RP1: variants seen among roughly 807,000 people sequenced by gnomAD.
The protein encoded by RP1 is RP1 axonemal microtubule associated.
Under a neutral mutation model 14.8 loss-of-function variants are expected in RP1, and 16 were observed. The ratio of observed to expected loss-of-function variants is 1.08; its 90% CI spans 0.73 to 1.65. RP1 has a LOEUF of 1.65. Ranked by LOEUF, RP1 falls within the 40% of genes most tolerant of loss-of-function variation. RP1 has a pLI of 0.00. For synonymous variants in RP1, 876 were observed against 883.6 expected (o/e 0.99, Z 0.15); for missense variants, 2,631 against 2,535.0 (o/e 1.04, Z -0.81).
intron 22 of RP1, among the ~76,000 whole-genome samples, chr8:54,759,419 A>T (rs1167807857): frequency 2.6e-5 from 4 of 152,210 alleles, no homozygotes; most frequent in African/African-American, 9.6e-5. Context: ...GTGTTACAAC[A>T]GTTTCATAAG....
chr8:54,730,159 C>A (rs920147242), intron 17 of RP1, among the ~76,000 whole-genome samples: 1 of 151,956 alleles, frequency 6.6e-6, no homozygotes, highest in African/African-American at 2.4e-5. Flanking sequence ...GAAAGTACCT[C>A]CCTATGTTGA....
chr8:54,840,252 CATT>C (rs945755233), intron 25 of RP1, among the ~76,000 whole-genome samples: 146 of 151,530 alleles, frequency 9.6e-4, no homozygotes, highest in African/African-American at 3.3e-3. Flanking sequence ...TTAATGGCTG[CATT>C]ATTATTATTA....
intron 12 of RP1, among the ~76,000 whole-genome samples, chr8:54,690,881 C>CA (rs1807693863): frequency 6.6e-6 from 1 of 152,004 alleles, no homozygotes; most frequent in Non-Finnish European, 1.5e-5. Context: ...AAGTTTTAAA[C>CA]ATTTTCCCCC....
exon 15 of RP1, chr8:54,706,574 C>T: frequency 6.5e-7 from 1 of 1,536,030 alleles, no homozygotes; most frequent in Non-Finnish European, 8.7e-7. Context: ...TGCATAAAAT[C>T]AGCTCTGGGA....
intron 1 of RP1, among the ~76,000 whole-genome samples, chr8:54,570,222 G>A (rs1169402317): frequency 1.3e-5 from 2 of 152,164 alleles, no homozygotes; most frequent in African/African-American, 4.8e-5. Flanking sequence ...CATGAGGGAG[G>A]GAGAAGGAAA....
chr8:54,785,094 A>C (rs1023351259), intron 24 of RP1, among the ~76,000 whole-genome samples: 6 of 152,070 alleles, frequency 3.9e-5, no homozygotes, highest in Admixed American at 1.3e-4. Flanking sequence ...TGTACTAAAC[A>C]ATCACCACAA....
downstream of RP1, among the ~76,000 whole-genome samples, chr8:54,774,477 G>A (rs1009941507): frequency 7.2e-5 from 11 of 152,166 alleles, no homozygotes; most frequent in African/African-American, 2.2e-4. Context: ...GAGCCAAGAG[G>A]AATTCTCCCA....
chr8:54,778,086 C>T (rs547850719), intron 23 of RP1, among the ~76,000 whole-genome samples: 11 of 152,182 alleles, frequency 7.2e-5, no homozygotes, highest in African/African-American at 2.2e-4. Context: ...ATCACCCATT[C>T]GTTTTTTGAA....
rs533157348 is a variant in RP1, at chr8:54,836,642, C to A, written c.3616-808C>A. On this transcript the variant is annotated intron_variant, in intron 24 of 28. Coordinates refer to the RP1 transcript ENST00000637698. ...CTAACAGCGTGAATAAGCTTGGAAG[C>A]GGAAGCTTCCCCAGAGCCTCCAAAG... is the stretch of plus-strand genomic sequence containing the variant. 3.3e-5 allele frequency among the ~76,000 whole-genome samples: 5 copies of A among 152,260 alleles called. No homozygotes were observed. In the South Asian group the frequency reaches 1.0e-3, roughly 32 times the overall value.
chr8:54,621,270 G>C lies in RP1; in HGVS notation c.304G>C (p.Glu102Gln). 2 of 1,614,064 alleles carry C rather than the reference G, an allele frequency of 1.2e-6. No individual in the cohort carries two copies. The highest frequency in any genetic ancestry group is 1.7e-6 in the Non-Finnish European group (2 of 1,180,014). The change falls in exon 2 of 4, where the codon GAG becomes CAG. Residue 102 changes from glutamate to glutamine, a missense_variant. Coordinates refer to ENST00000220676, the MANE Select transcript of RP1 (RefSeq NM_006269.2). ...ITRLEELEDGESYLCSHGRKV... is the reference protein window; with the variant it reads ...ITRLEELEDGQSYLCSHGRKV... ...GCGCCTGGAGGAGCTGGAGGACGGC[G>C]AGTCCTACCTATGTTCCCACGGCAG...
intron 1 of RP1, among the ~76,000 whole-genome samples, chr8:54,583,796 T>G (rs1300902823): frequency 6.6e-6 from 1 of 152,220 alleles, no homozygotes; most frequent in East Asian, 1.9e-4. Flanking sequence ...GTAGAGGTGT[T>G]TATGGTATTC....
intron 20 of RP1, chr8:54,755,471 A>ATCTTT (rs1809480382): frequency 1.3e-6 from 1 of 766,614 alleles, no homozygotes; most frequent in Non-Finnish European, 2.0e-6. Context: ...AAGTCTCTCA[A>ATCTTT]TAGACACAGA....
intron 24 of RP1, among the ~76,000 whole-genome samples, chr8:54,819,097 C>G (rs1315543644): frequency 6.6e-6 from 1 of 151,970 alleles, no homozygotes; most frequent in Non-Finnish European, 1.5e-5. Flanking sequence ...AGACCAATAA[C>G]TCTTAAATTT....
chr8:54,868,265 A>C (rs2129330696), intron 28 of RP1, among the ~76,000 whole-genome samples: 1 of 152,322 alleles, frequency 6.6e-6, no homozygotes, highest in East Asian at 1.9e-4. Flanking sequence ...TTACAGAAAC[A>C]AAATGACGCA....
chr8:54,791,188 T>G (rs1323391681), intron 24 of RP1, among the ~76,000 whole-genome samples: 1 of 151,434 alleles, frequency 6.6e-6, no homozygotes, highest in Non-Finnish European at 1.5e-5. Flanking sequence ...TGGGAAAGAG[T>G]GGGATCATAT....
chr8:54,809,905 G>T (rs1810947694), intron 24 of RP1, among the ~76,000 whole-genome samples: 1 of 152,150 alleles, frequency 6.6e-6, no homozygotes. Flanking sequence ...TATTCCAGTT[G>T]GCAAGTGGTA....
intron 6 of RP1, among the ~76,000 whole-genome samples, chr8:54,657,464 A>G (rs1322804429): frequency 1.3e-5 from 2 of 152,204 alleles, no homozygotes; most frequent in Admixed American, 6.5e-5. Flanking sequence ...TATCATATGT[A>G]TCTATAAATT....
chr8:54,793,254 G>C (rs904162811), intron 24 of RP1, among the ~76,000 whole-genome samples: 4 of 151,702 alleles, frequency 2.6e-5, no homozygotes, highest in African/African-American at 9.7e-5. Flanking sequence ...AACATTTAAG[G>C]AATAATTAAT....
At position 54,817,562 on chromosome 8, in the gene RP1, T is replaced by C. The variant is rs1811163370; in HGVS notation, c.3616-19888T>C. 2.0e-5 allele frequency among the ~76,000 whole-genome samples: 3 copies of C among 152,166 alleles called. No homozygotes were observed. In the South Asian group the frequency reaches 6.2e-4, roughly 32 times the overall value. The stretch of plus-strand genomic sequence containing the variant: ...GGAGTCAGAGTAATGGTGGCGAGTG[T>C]TTGAAAACTAGACAGAAAATGCTGA... On this transcript the variant is annotated intron_variant, in intron 24 of 28. Transcript: ENST00000637698.
Sources: gnomAD v4.1 joint callset for allele counts (sites outside exome capture counted in the v4.1 genomes callset) on GRCh38, gnomAD v4.1.1 for gene constraint, MANE v1.5 for transcripts, NCBI Gene and HGNC (gene_info 2026-07-23, HGNC 2026-07-21) for gene names.